The following PIGK variants were observed in gnomAD, a reference collection of about 807,000 sequenced individuals.
PIGK encodes the protein phosphatidylinositol glycan anchor biosynthesis class K.
In PIGK, 42 loss-of-function variants were observed where a neutral mutation model predicts 50.6. The observed-to-expected ratio is 0.83, with a 90% confidence interval of 0.65 to 1.07. The LOEUF (loss-of-function observed/expected upper bound fraction) is 1.07, where lower values mean the gene tolerates loss of function less well. Ranked by LOEUF, PIGK falls within the 50% of genes least tolerant of loss-of-function variation. PIGK has a pLI of 0.00. For missense variants in PIGK, 448 were observed against 488.7 expected (o/e 0.92, Z 0.78); for synonymous variants, 151 against 156.0 (o/e 0.97, Z 0.24).
intron 10 of PIGK, among the ~76,000 whole-genome samples, chr1:77,102,988 G>A (rs938265683): frequency 1.3e-5 from 2 of 152,158 alleles, no homozygotes; most frequent in African/African-American, 4.8e-5. Flanking sequence ...AGGGAAGGAA[G>A]CAAGAAACCA....
At chr1:77,117,759 T>G (rs1654011483) in intron 10 of PIGK, among the ~76,000 whole-genome samples, 1 of 152,250 alleles carries the variant, frequency 6.6e-6, no homozygotes, top group Non-Finnish European at 1.5e-5. Context: ...TCCATTTTCT[T>G]TGTCTTTTGG....
At chr1:77,126,419 A>G (rs1187577211) in intron 9 of PIGK, among the ~76,000 whole-genome samples, 2 of 152,196 alleles carry the variant, frequency 1.3e-5, no homozygotes, top group Non-Finnish European at 2.9e-5. Context: ...TCAGTTCAAC[A>G]GCACCCTCTT....
At chr1:77,135,501 T>C (rs1654479737) in intron 9 of PIGK, among the ~76,000 whole-genome samples, 1 of 152,070 alleles carries the variant, frequency 6.6e-6, no homozygotes, top group Non-Finnish European at 1.5e-5. Context: ...TTTTCAACTA[T>C]TTAATATCAT....
intron 3 of PIGK, among the ~76,000 whole-genome samples, chr1:77,179,320 G>A (rs531731570): frequency 6.6e-6 from 1 of 152,290 alleles, no homozygotes; most frequent in Non-Finnish European, 1.5e-5. Flanking sequence ...CAAAAGGGGG[G>A]AATTGGTAAA....
At chr1:77,111,266 C>T (rs1222119177) in intron 10 of PIGK, among the ~76,000 whole-genome samples, 1 of 152,052 alleles carries the variant, frequency 6.6e-6, no homozygotes, top group African/African-American at 2.4e-5. Flanking sequence ...GGTATATACC[C>T]AAAGGATTAT....
chr1:77,169,391 T>TG lies in PIGK; in HGVS notation c.243dup (p.Ile82HisfsTer8). 6.3e-7 allele frequency: 1 copy of TG among 1,583,384 alleles called. No individual in the cohort carries two copies. Among genetic ancestry groups the TG allele is most frequent in the East Asian group, 2.3e-5 (1 of 43,924 alleles). Reference sequence around the variant, plus strand: ...ATATCATCTGCAAGCATTAGGACAATGTGACTAGGGAAAAAAAATCCAGTA... The same window carrying TG: ...ATATCATCTGCAAGCATTAGGACAATGGTGACTAGGGAAAAAAAATCCAGTA... On this transcript the variant is annotated frameshift_variant, in exon 4 of 11. Transcript: ENST00000370812. LOFTEE classifies it high-confidence loss of function.
rs1307186223 is a variant in PIGK at position 77,089,291 on chromosome 1, T to G, written c.*3083A>C. On this transcript the variant is annotated 3_prime_UTR_variant, in exon 11 of 11. Transcript: ENST00000370812. ...GTAGTAAATGCCCTTGAGTATGAGA[T>G]GTGACACTGAAGCAATAAGGCCAAT... The G allele has an allele frequency of 6.6e-6, 1 of 152,228 alleles. No homozygotes were observed. The highest frequency in any genetic ancestry group is 1.5e-5 in the Non-Finnish European group (1 of 68,050). The allele number at this position is 152,228 out of a possible 1,614,324, so 9.4% of individuals were successfully genotyped here.
intron 3 of PIGK, among the ~76,000 whole-genome samples, chr1:77,178,506 G>A (rs1331676228): frequency 1.3e-5 from 2 of 152,168 alleles, no homozygotes; most frequent in Non-Finnish European, 2.9e-5. Flanking sequence ...TGCAGCTGCT[G>A]GCATTTGTGG....
intron 9 of PIGK, among the ~76,000 whole-genome samples, chr1:77,132,007 G>T (rs1394578073): frequency 6.6e-6 from 1 of 151,956 alleles, no homozygotes; most frequent in African/African-American, 2.4e-5. Context: ...TTTGCAGTTT[G>T]TTGGGAAAGG....
At chr1:77,188,330 C>A (rs79937013) in intron 3 of PIGK, among the ~76,000 whole-genome samples, 19,181 of 152,014 alleles carry the variant, frequency 0.13, 1,772 homozygotes, top group African/African-American at 0.25. Context: ...TATAAACAGC[C>A]CCCCCAGGTG....
intron 10 of PIGK, among the ~76,000 whole-genome samples, chr1:77,112,349 C>G (rs763774751): frequency 4.0e-5 from 6 of 151,822 alleles, no homozygotes; most frequent in Non-Finnish European, 8.8e-5. Context: ...AAACTACTGC[C>G]AAGAATATAG....
intron 10 of PIGK, 69 bp from the exon 11 acceptor site, chr1:77,092,559 T>C (rs977585937): frequency 2.3e-6 from 2 of 856,582 alleles, no homozygotes; most frequent in Non-Finnish European, 3.8e-6. Context: ...AAAGCAAACA[T>C]TGATGAAAAA....
intron 9 of PIGK, chr1:77,154,222 T>C (rs1654956151): frequency 1.9e-6 from 1 of 521,722 alleles, no homozygotes; most frequent in African/African-American, 2.0e-5. Flanking sequence ...AGCAAGATTG[T>C]CTTTTGGAGC....
At chr1:77,169,802 T>C (rs191676861) in intron 3 of PIGK, among the ~76,000 whole-genome samples, 22 of 152,338 alleles carry the variant, frequency 1.4e-4, no homozygotes, top group Middle Eastern at 3.4e-3. Context: ...AAATATTTTT[T>C]AGTAAAATTT....
intron 3 of PIGK, among the ~76,000 whole-genome samples, chr1:77,183,333 C>T (rs1338674862): frequency 6.6e-6 from 1 of 152,184 alleles, no homozygotes; most frequent in Non-Finnish European, 1.5e-5. Context: ...ACCCATGCTG[C>T]CATAAGCCTT....
intron 3 of PIGK, among the ~76,000 whole-genome samples, chr1:77,188,870 GA>G (rs1018685387): frequency 6.6e-5 from 10 of 151,950 alleles, no homozygotes; most frequent in Admixed American, 1.3e-4. Flanking sequence ...ACCCCACTAG[GA>G]AAAAAACCAA....
In PIGK at chr1:77,218,989, G is replaced by GAGTA. The variant is rs531958639; in HGVS notation, c.93+317_93+320dup. On this transcript the variant is annotated intron_variant, in intron 1 of 10. Coordinates refer to ENST00000370812, the MANE Select transcript of PIGK (RefSeq NM_005482.3). The stretch of plus-strand genomic sequence containing the variant: ...CCTATCAAAACAGAGGGCTGCAGTT[G>GAGTA]AGTAGTAGGAAAGCAGTTGCTGCAC... Among the ~76,000 whole-genome samples, 583 of 152,222 alleles carry GAGTA rather than the reference G, an allele frequency of 3.8e-3. 4 individuals are homozygous for GAGTA. The highest frequency in any genetic ancestry group is 7.0e-3 in the Non-Finnish European group (476 of 68,002).
At chr1:77,180,541 A>T (rs1040700390) in intron 3 of PIGK, among the ~76,000 whole-genome samples, 1 of 152,198 alleles carries the variant, frequency 6.6e-6, no homozygotes, top group African/African-American at 2.4e-5. Context: ...GCCAAAGTTA[A>T]GGACACGTGC....
At chr1:77,155,055 G>A (rs893398693) in intron 8 of PIGK, among the ~76,000 whole-genome samples, 2 of 152,144 alleles carry the variant, frequency 1.3e-5, no homozygotes, top group African/African-American at 4.8e-5. Flanking sequence ...TTCAAATAAA[G>A]TAGTACATGG....
Sources: allele counts gnomAD v4.1 joint callset (sites outside exome capture counted in the v4.1 genomes callset), GRCh38; gene constraint gnomAD v4.1.1; transcripts MANE v1.5; gene names NCBI Gene and HGNC (gene_info 2026-07-23, HGNC 2026-07-21).